TCF12: variants seen among roughly 807,000 people sequenced by gnomAD.
TCF12 encodes DNA-binding protein HTF4.
A neutral mutation model predicts 86.0 loss-of-function variants in TCF12; 45 were observed. The ratio of observed to expected loss-of-function variants is 0.52; its 90% CI spans 0.41 to 0.67. The LOEUF (loss-of-function observed/expected upper bound fraction) is 0.67, where lower values mean the gene tolerates loss of function less well. Ranked by LOEUF, TCF12 falls within the 30% of genes least tolerant of loss-of-function variation. The probability of loss-of-function intolerance (pLI) is 0.00; values close to 1 mark genes in which losing one functional copy is unlikely to be tolerated. For missense variants in TCF12, 881 were observed against 859.9 expected (o/e 1.02, Z -0.31); for synonymous variants, 330 against 299.6 (o/e 1.10, Z -1.05).
chr15:57,144,912 C>T (rs956006833), intron 5 of TCF12, among the ~76,000 whole-genome samples: 6 of 152,086 alleles, frequency 3.9e-5, no homozygotes, highest in Non-Finnish European at 8.8e-5. Flanking sequence ...GACCTAACTT[C>T]TTTGTGCACA....
intron 13 of TCF12, chr15:57,247,764 T>C: frequency 1.3e-6 from 1 of 742,326 alleles, no homozygotes; most frequent in Admixed American, 1.8e-5. Flanking sequence ...TTGTGTGGTC[T>C]AGCACACCTT....
chr15:57,143,063 C>T (rs2615241), intron 5 of TCF12, among the ~76,000 whole-genome samples: 1,706 of 151,000 alleles, frequency 0.011, 37 homozygotes, highest in African/African-American at 0.039. Flanking sequence ...TGATGGATAC[C>T]GCATTTACCC....
chr15:57,076,569 C>T (rs554738837), intron 4 of TCF12, among the ~76,000 whole-genome samples: 2 of 151,004 alleles, frequency 1.3e-5, no homozygotes, highest in East Asian at 1.9e-4. Context: ...AGGAGAATAG[C>T]GTGAACCCAG....
chr15:57,186,839 TAGAA>T (rs1301110832), intron 6 of TCF12, among the ~76,000 whole-genome samples: 1 of 151,828 alleles, frequency 6.6e-6, no homozygotes, highest in African/African-American at 2.4e-5. Context: ...ACCACACTAA[TAGAA>T]AGAAAGGGGA....
At chr15:57,261,994 G>T in intron 16 of TCF12, 100 bp from the exon 17 acceptor site, 3 of 686,600 alleles carry the variant, frequency 4.4e-6, no homozygotes, top group Admixed American at 6.8e-5. Context: ...TCAGATGAGT[G>T]ACACTGTTTT....
At chr15:57,094,824 TGAG>T (rs1321405744) in intron 5 of TCF12, among the ~76,000 whole-genome samples, 2 of 152,160 alleles carry the variant, frequency 1.3e-5, no homozygotes, top group African/African-American at 4.8e-5. Flanking sequence ...GTTGTTATTT[TGAG>T]TATTATGTTC....
intron 8 of TCF12, among the ~76,000 whole-genome samples, chr15:57,205,678 T>G (rs1282335321): frequency 6.6e-6 from 1 of 152,224 alleles, no homozygotes; most frequent in Non-Finnish European, 1.5e-5. Flanking sequence ...ATTCCAAACT[T>G]ATATTCAGTT....
intron 8 of TCF12, among the ~76,000 whole-genome samples, chr15:57,218,169 C>A (rs2058412096): frequency 6.6e-6 from 1 of 152,094 alleles, no homozygotes; most frequent in Non-Finnish European, 1.5e-5. Context: ...TAGAATATTT[C>A]ACAGAGGATT....
chr15:56,962,635 A>G (rs1365650373), intron 3 of TCF12, among the ~76,000 whole-genome samples: 1 of 152,174 alleles, frequency 6.6e-6, no homozygotes, highest in African/African-American at 2.4e-5. Context: ...AAATGCTTCC[A>G]ATTAGTGATG....
intron 3 of TCF12, among the ~76,000 whole-genome samples, chr15:56,934,756 A>G (rs2060393098): frequency 6.6e-6 from 1 of 152,214 alleles, no homozygotes; most frequent in Non-Finnish European, 1.5e-5. Flanking sequence ...TAAGGAGACT[A>G]CTGGGTTCCT....
intron 6 of TCF12, among the ~76,000 whole-genome samples, chr15:57,172,678 G>A (rs1409865125): frequency 3.9e-5 from 6 of 152,118 alleles, no homozygotes; most frequent in African/African-American, 1.4e-4. Flanking sequence ...GCTATTGGGT[G>A]CTAGGCTTAC....
chr15:57,003,650 A>G (rs1197927681), intron 3 of TCF12, among the ~76,000 whole-genome samples: 1 of 152,348 alleles, frequency 6.6e-6, no homozygotes, highest in East Asian at 1.9e-4. Context: ...GGGAATGTGC[A>G]TGTTTGGTGA....
rs990924979 is a variant in TCF12, at chr15:56,989,263, A to G, written c.148+68165A>G. On this transcript the variant is annotated intron_variant, in intron 3 of 20. Coordinates refer to ENST00000333725, the MANE Select transcript of TCF12 (RefSeq NM_207037.2). The stretch of plus-strand genomic sequence containing the variant: ...TGCATTTTAAATGGTTATAGTTTAA[A>G]TGGTTATGAGACCCTACATTATATC... Among the ~76,000 whole-genome samples, 5 of 152,198 alleles carry G rather than the reference A, an allele frequency of 3.3e-5. No individual in the cohort carries two copies. The East Asian group carries it at 5.8e-4, about 18-fold the overall frequency.
intron 3 of TCF12, among the ~76,000 whole-genome samples, chr15:56,978,721 T>C (rs1447101838): frequency 2.0e-5 from 3 of 152,324 alleles, no homozygotes; most frequent in African/African-American, 7.2e-5. Flanking sequence ...AAATATCTTA[T>C]GAAGAATGAA....
intron 3 of TCF12, among the ~76,000 whole-genome samples, chr15:57,038,292 A>G (rs2066644646): frequency 6.6e-6 from 1 of 151,838 alleles, no homozygotes; most frequent in Non-Finnish European, 1.5e-5. Flanking sequence ...GCTGGACATG[A>G]GGGTGCCTGC....
chr15:57,213,699 A>T (rs1375802838), intron 8 of TCF12, among the ~76,000 whole-genome samples: 1 of 152,240 alleles, frequency 6.6e-6, no homozygotes, highest in Non-Finnish European at 1.5e-5. Context: ...CGCACAGGCC[A>T]AAAGAAGAAA....
intron 8 of TCF12, among the ~76,000 whole-genome samples, chr15:57,230,898 A>T (rs866161787): frequency 1.3e-5 from 2 of 152,094 alleles, no homozygotes; most frequent in African/African-American, 4.8e-5. Context: ...TGTAACTGTC[A>T]TACCAAGATG....
chr15:57,011,818 G>T (rs553842803), intron 3 of TCF12, among the ~76,000 whole-genome samples: 19 of 152,258 alleles, frequency 1.2e-4, no homozygotes, highest in Non-Finnish European at 2.5e-4. Flanking sequence ...GAGTCTGTGG[G>T]CAGACTTTCC....
intron 5 of TCF12, among the ~76,000 whole-genome samples, chr15:57,144,521 T>A (rs1436970989): frequency 1.3e-5 from 2 of 152,232 alleles, no homozygotes; most frequent in African/African-American, 4.8e-5. Flanking sequence ...TCTTTTCTTA[T>A]ACTTGTGTTC....
Sources: gnomAD v4.1 joint callset for allele counts (sites outside exome capture counted in the v4.1 genomes callset) on GRCh38, gnomAD v4.1.1 for gene constraint, MANE v1.5 for transcripts, NCBI Gene and HGNC (gene_info 2026-07-23, HGNC 2026-07-21) for gene names.